CDC42BPA: variants seen among roughly 807,000 people sequenced by gnomAD.
CDC42BPA encodes the protein serine/threonine-protein kinase MRCK alpha.
In CDC42BPA, 80 loss-of-function variants were observed where a neutral mutation model predicts 223.5. The observed-to-expected ratio is 0.36, with a 90% CI of 0.30 to 0.43. CDC42BPA has a LOEUF of 0.43. CDC42BPA is among the 20% of genes least tolerant of loss of function. The probability of loss-of-function intolerance (pLI) is 1.00; values close to 1 mark genes in which losing one functional copy is unlikely to be tolerated. For missense variants in CDC42BPA, 1,743 were observed against 2,099.9 expected (o/e 0.83, Z 3.32); for synonymous variants, 694 against 718.6 (o/e 0.97, Z 0.55).
intron 6 of CDC42BPA, among the ~76,000 whole-genome samples, chr1:227,158,709 C>T (rs538156621): frequency 6.6e-6 from 1 of 152,242 alleles, no homozygotes; most frequent in African/African-American, 2.4e-5. Flanking sequence ...TCAATTTCCC[C>T]TAGCACTGTT....
At chr1:227,068,693 A>G in intron 21 of CDC42BPA, 1 of 1,209,444 alleles carries the variant, frequency 8.3e-7, no homozygotes, top group Non-Finnish European at 1.1e-6. Context: ...AGGAAGAAGA[A>G]AAGGAATCCT....
In CDC42BPA at chr1:227,097,967, T is replaced by G. The variant is rs140990013; in HGVS notation, c.2249+3025A>C. On this transcript the variant is annotated intron_variant, in intron 15 of 36. Coordinates refer to ENST00000366766, the MANE Select transcript of CDC42BPA (RefSeq NM_001394014.1). The stretch of plus-strand genomic sequence containing the variant: ...TCTCAAGTCACCCACTTAGCCCAAT[T>G]CCAAGTGTACTTTGCTTCCTTTTAT... Among the ~76,000 whole-genome samples, 10 of 152,254 alleles carry G rather than the reference T, an allele frequency of 6.6e-5. No individual in the cohort carries two copies. In the East Asian group the frequency reaches 1.7e-3, roughly 26 times the overall value.
chr1:227,038,108 C>T (rs895464942), intron 24 of CDC42BPA, among the ~76,000 whole-genome samples: 1 of 140,124 alleles, frequency 7.1e-6, no homozygotes, highest in African/African-American at 2.8e-5. Context: ...ATGGGAGGGA[C>T]ACAGTGGGAG....
At chr1:227,048,806 C>CA (rs1377025472) in intron 22 of CDC42BPA, among the ~76,000 whole-genome samples, 3 of 143,108 alleles carry the variant, frequency 2.1e-5, no homozygotes, top group African/African-American at 7.7e-5. Flanking sequence ...GGATGCCAAG[C>CA]AAAAAAATAA....
intron 2 of CDC42BPA, among the ~76,000 whole-genome samples, chr1:227,226,952 G>GT (rs1342874892): frequency 6.6e-6 from 1 of 152,094 alleles, no homozygotes; most frequent in Non-Finnish European, 1.5e-5. Context: ...TAATGCACAG[G>GT]TAAGAGCAAT....
At chr1:227,296,197 A>G (rs1690605579) in intron 1 of CDC42BPA, among the ~76,000 whole-genome samples, 3 of 152,210 alleles carry the variant, frequency 2.0e-5, no homozygotes, top group South Asian at 2.1e-4. Flanking sequence ...GAGAGTCTAG[A>G]AAAAAATCCA....
chr1:227,103,360 A>T (rs939350351), intron 14 of CDC42BPA, among the ~76,000 whole-genome samples: 2 of 152,094 alleles, frequency 1.3e-5, no homozygotes, highest in Non-Finnish European at 2.9e-5. Context: ...TTCATTGTTA[A>T]TTGAAGGATA....
At position 226,993,410 on chromosome 1, in the gene CDC42BPA, G is replaced by C. The variant is rs1372517444; in HGVS notation, c.*858C>G. The C allele has an allele frequency of 6.6e-6, 1 of 152,262 alleles. No homozygotes were observed. Among genetic ancestry groups the C allele is most frequent in the Non-Finnish European group, 1.5e-5 (1 of 68,042 alleles). The allele number at this position is 152,262 out of a possible 1,614,324, so 9.4% of individuals were successfully genotyped here. A position where few individuals can be genotyped will look rare whatever the true frequency, so the allele number is the denominator to read the frequency against. On this transcript the variant is annotated 3_prime_UTR_variant, in exon 37 of 37. Coordinates refer to ENST00000366766, the MANE Select transcript of CDC42BPA (RefSeq NM_001394014.1). ...GCCTTTTGCTGCTGCTGCTGAAGTG[G>C]CTTCAAATGTTAAAGCTCTGGTGCC... is the stretch of plus-strand genomic sequence containing the variant.
At chr1:227,133,249 C>G (rs1171520102) in intron 10 of CDC42BPA, among the ~76,000 whole-genome samples, 2 of 151,150 alleles carry the variant, frequency 1.3e-5, no homozygotes, top group African/African-American at 4.9e-5. Flanking sequence ...GCTGCCCCGT[C>G]TGGGAGGTGA....
At chr1:227,131,542 T>C (rs1383226437) in intron 10 of CDC42BPA, among the ~76,000 whole-genome samples, 2 of 152,218 alleles carry the variant, frequency 1.3e-5, no homozygotes, top group African/African-American at 4.8e-5. Flanking sequence ...TGGTGTACTC[T>C]GCCAATGAAT....
intron 2 of CDC42BPA, among the ~76,000 whole-genome samples, chr1:227,228,016 G>C (rs1572491666): frequency 6.6e-6 from 1 of 150,802 alleles, no homozygotes; most frequent in Non-Finnish European, 1.5e-5. Context: ...AACAGGAACA[G>C]AAAACCAAAC....
chr1:227,159,466 A>G (rs1311625205), intron 6 of CDC42BPA, among the ~76,000 whole-genome samples: 1 of 152,126 alleles, frequency 6.6e-6, no homozygotes, highest in Non-Finnish European at 1.5e-5. Context: ...AGCCTAGGCA[A>G]CAGAGACTTT....
intron 35 of CDC42BPA, chr1:227,004,628 T>C (rs1442976985): frequency 1.5e-5 from 4 of 271,794 alleles, no homozygotes; most frequent in Non-Finnish European, 2.9e-5. Flanking sequence ...CAAACATGAC[T>C]CCACCTCTAG....
intron 1 of CDC42BPA, among the ~76,000 whole-genome samples, chr1:227,255,380 G>A (rs534863834): frequency 9.2e-5 from 14 of 152,260 alleles, no homozygotes; most frequent in African/African-American, 2.9e-4. Flanking sequence ...CTTCGAAAAC[G>A]GGTATTCCAC....
At chr1:227,068,621 A>C (rs1347958490) in intron 21 of CDC42BPA, 1 of 1,037,722 alleles carries the variant, frequency 9.6e-7, no homozygotes, top group Admixed American at 4.3e-5. Flanking sequence ...TTTTTTACTG[A>C]AGGATGCATT....
chr1:227,007,135 G>A (rs1298345561), intron 34 of CDC42BPA, among the ~76,000 whole-genome samples: 2 of 152,138 alleles, frequency 1.3e-5, no homozygotes, highest in African/African-American at 2.4e-5. Flanking sequence ...CTTTTCCAAA[G>A]GATCAATTTG....
chr1:227,027,877 G>A (rs1039625665), intron 30 of CDC42BPA, among the ~76,000 whole-genome samples: 1 of 152,130 alleles, frequency 6.6e-6, no homozygotes, highest in Non-Finnish European at 1.5e-5. Flanking sequence ...AGTGCTTTGG[G>A]AAGCCAAGTT....
intron 12 of CDC42BPA, 38 bp downstream of exon 12, chr1:227,119,766 T>C (rs1688335523): frequency 4.4e-6 from 6 of 1,364,468 alleles, no homozygotes; most frequent in Middle Eastern, 2.3e-4. Flanking sequence ...AGATTCAAAA[T>C]AGAGAAAAAG....
At chr1:227,245,657 G>A (rs1426116472) in intron 2 of CDC42BPA, among the ~76,000 whole-genome samples, 1 of 152,156 alleles carries the variant, frequency 6.6e-6, no homozygotes, top group Non-Finnish European at 1.5e-5. Flanking sequence ...GCAGAGCCAT[G>A]AGGCCCCCAT....
Sources: allele counts gnomAD v4.1 joint callset (sites outside exome capture counted in the v4.1 genomes callset), GRCh38; gene constraint gnomAD v4.1.1; transcripts MANE v1.5; gene names NCBI Gene and HGNC (gene_info 2026-07-23, HGNC 2026-07-21).